KCNQ5: variants seen among roughly 807,000 people sequenced by gnomAD.
KCNQ5 encodes the protein potassium voltage-gated channel subfamily KQT member 5.
In KCNQ5, 30 loss-of-function variants were observed where a neutral mutation model predicts 98.2. The observed-to-expected ratio is 0.31, with a 90% CI of 0.23 to 0.41. The LOEUF (loss-of-function observed/expected upper bound fraction) is 0.41, where lower values mean the gene tolerates loss of function less well. Among genes scored for constraint, KCNQ5 ranks in the 10% least tolerant of loss-of-function variants. KCNQ5 has a pLI of 1.00. For missense variants in KCNQ5, 835 were observed against 1,182.5 expected (o/e 0.71, Z 4.31); for synonymous variants, 458 against 449.4 (o/e 1.02, Z -0.24).
chr6:72,854,758 T>TGTGTGTGTGTGTGTG (rs1777451483), intron 1 of KCNQ5, among the ~76,000 whole-genome samples: 2 of 127,108 alleles, frequency 1.6e-5, no homozygotes, highest in African/African-American at 6.0e-5. Context: ...ACACCATGGT[T>TGTGTGTGTGTGTGTG]TGTGTGTGTG....
chr6:72,863,324 A>C (rs961528704), intron 1 of KCNQ5, among the ~76,000 whole-genome samples: 1 of 152,246 alleles, frequency 6.6e-6, no homozygotes, highest in African/African-American at 2.4e-5. Context: ...TGGGTCAAGC[A>C]AGTCTGTTTC....
At chr6:72,629,116 C>T (rs1196095870) in intron 1 of KCNQ5, among the ~76,000 whole-genome samples, 2 of 152,082 alleles carry the variant, frequency 1.3e-5, no homozygotes, top group Non-Finnish European at 2.9e-5. Context: ...TTACTGACAC[C>T]CCAGATCTCC....
At chr6:73,026,984 C>T (rs757647138) in intron 2 of KCNQ5, among the ~76,000 whole-genome samples, 34 of 152,178 alleles carry the variant, frequency 2.2e-4, no homozygotes, top group South Asian at 2.1e-4. Flanking sequence ...ACCTTTTCTG[C>T]ACTTTGTTCT....
chr6:73,100,897 T>TA (rs1284350733), intron 5 of KCNQ5, among the ~76,000 whole-genome samples: 1 of 151,936 alleles, frequency 6.6e-6, no homozygotes, highest in Non-Finnish European at 1.5e-5. Context: ...AAGAAATGGA[T>TA]AAATTCCTAT....
chr6:73,018,043 TG>T (rs1438634051), intron 2 of KCNQ5, among the ~76,000 whole-genome samples: 4 of 152,102 alleles, frequency 2.6e-5, no homozygotes, highest in Non-Finnish European at 5.9e-5. Context: ...TAACATCAAA[TG>T]CAACCTCAAA....
intron 1 of KCNQ5, among the ~76,000 whole-genome samples, chr6:72,842,013 A>G (rs766696919): frequency 6.6e-6 from 1 of 152,206 alleles, no homozygotes; most frequent in Non-Finnish European, 1.5e-5. Flanking sequence ...AAGTAACTTT[A>G]ATCAAAACTA....
chr6:73,060,929 C>G (rs1281392758), intron 3 of KCNQ5, among the ~76,000 whole-genome samples: 1 of 152,142 alleles, frequency 6.6e-6, no homozygotes, highest in Non-Finnish European at 1.5e-5. Flanking sequence ...GGGTATCACC[C>G]TTATGGAAGA....
intron 1 of KCNQ5, among the ~76,000 whole-genome samples, chr6:72,741,379 G>A (rs1771122160): frequency 6.6e-6 from 1 of 152,170 alleles, no homozygotes; most frequent in African/African-American, 2.4e-5. Context: ...CAGCCTGTAA[G>A]AGAGTCCCAA....
At chr6:72,837,045 G>A (rs2150129074) in intron 1 of KCNQ5, among the ~76,000 whole-genome samples, 1 of 152,164 alleles carries the variant, frequency 6.6e-6, no homozygotes, top group South Asian at 2.1e-4. Context: ...GTTCTCATGT[G>A]GAATTGCTAA....
intron 1 of KCNQ5, among the ~76,000 whole-genome samples, chr6:72,779,776 C>A (rs1773358795): frequency 6.6e-6 from 1 of 151,570 alleles, no homozygotes; most frequent in South Asian, 2.1e-4. Context: ...TCCCTAGTAG[C>A]TGGGACCACA....
At chr6:72,955,191 C>T (rs1333169873) in intron 1 of KCNQ5, among the ~76,000 whole-genome samples, 1 of 152,176 alleles carries the variant, frequency 6.6e-6, no homozygotes, top group Non-Finnish European at 1.5e-5. Context: ...TTAGCATAAT[C>T]ACTCACAACA....
intron 1 of KCNQ5, among the ~76,000 whole-genome samples, chr6:72,972,327 A>C (rs1767940993): frequency 6.6e-6 from 1 of 151,676 alleles, no homozygotes; most frequent in Non-Finnish European, 1.5e-5. Context: ...TATAGCAATT[A>C]ACCAATACCA....
intron 1 of KCNQ5, among the ~76,000 whole-genome samples, chr6:72,681,151 A>G (rs942563488): frequency 6.6e-6 from 1 of 152,228 alleles, no homozygotes; most frequent in Non-Finnish European, 1.5e-5. Context: ...GAGCACGCAG[A>G]TCCTGCATGT....
intron 1 of KCNQ5, among the ~76,000 whole-genome samples, chr6:72,956,383 G>A (rs1767052370): frequency 6.6e-6 from 1 of 151,892 alleles, no homozygotes; most frequent in South Asian, 2.1e-4. Context: ...CAGGATAGGA[G>A]ATGTAATTAA....
At chr6:73,168,512 G>A (rs1256933929) in intron 10 of KCNQ5, among the ~76,000 whole-genome samples, 1 of 152,158 alleles carries the variant, frequency 6.6e-6, no homozygotes, top group African/African-American at 2.4e-5. Flanking sequence ...AGACCAGCCT[G>A]GCCAACATGG....
At chr6:73,137,063 G>C (rs529406173) in intron 10 of KCNQ5, among the ~76,000 whole-genome samples, 10 of 151,736 alleles carry the variant, frequency 6.6e-5, no homozygotes, top group Non-Finnish European at 1.5e-4. Context: ...AGTTATATTT[G>C]GAAAATAATA....
At chr6:72,848,536 A>T (rs1182311297) in intron 1 of KCNQ5, among the ~76,000 whole-genome samples, 2 of 152,212 alleles carry the variant, frequency 1.3e-5, no homozygotes, top group Non-Finnish European at 2.9e-5. Flanking sequence ...TGGAATGAAG[A>T]GAGGGGGACC....
At chr6:72,943,536 C>G (rs1308699826) in intron 1 of KCNQ5, among the ~76,000 whole-genome samples, 1 of 152,106 alleles carries the variant, frequency 6.6e-6, no homozygotes, top group Non-Finnish European at 1.5e-5. Flanking sequence ...ATATTCCAGT[C>G]AAGAAGTGTC....
At chr6:72,649,810 G>A (rs941917106) in intron 1 of KCNQ5, among the ~76,000 whole-genome samples, 2 of 152,002 alleles carry the variant, frequency 1.3e-5, no homozygotes, top group Non-Finnish European at 2.9e-5. Flanking sequence ...TATGACTAAG[G>A]AATAACATTT....
Sources: gnomAD v4.1 joint callset for allele counts (sites outside exome capture counted in the v4.1 genomes callset) on GRCh38, gnomAD v4.1.1 for gene constraint, MANE v1.5 for transcripts, NCBI Gene and HGNC (gene_info 2026-07-23, HGNC 2026-07-21) for gene names.